Variants in HTR2C observed in about 807,000 individuals in gnomAD.
HTR2C encodes the protein 5-hydroxytryptamine receptor 2C, also known as 5-hydroxytryptamine (serotonin) receptor 2C, G protein-coupled.
Under a neutral mutation model 21.0 loss-of-function variants are expected in HTR2C, and 5 were observed. That is an observed-to-expected ratio of 0.24 (90% CI 0.12 to 0.50). HTR2C has a LOEUF of 0.50. Ranked by LOEUF, HTR2C falls within the 20% of genes least tolerant of loss-of-function variation. The pLI, the probability that HTR2C is intolerant of heterozygous loss-of-function variation, is 0.98. For synonymous variants in HTR2C, 150 were observed against 145.3 expected (o/e 1.03, Z -0.23); for missense variants, 271 against 371.2 (o/e 0.73, Z 2.22).
chrX:114,830,331 G>T (rs1322979460), intron 4 of HTR2C, among the ~76,000 whole-genome samples: 3 of 111,578 alleles, frequency 2.7e-5, no homozygotes, highest in African/African-American at 9.8e-5. Context: ...ACAGTTTGAA[G>T]ATTTCGGGCC....
At chrX:114,709,031 A>G (rs1489123981) in intron 2 of HTR2C, among the ~76,000 whole-genome samples, 1 of 111,830 alleles carries the variant, frequency 8.9e-6, no homozygotes, top group Admixed American at 9.5e-5. Flanking sequence ...ACTTAGGTTG[A>G]TCATAGTAAG....
chrX:114,597,218 CAAAAAAAAAAAA>C (rs782280036), intron 1 of HTR2C, among the ~76,000 whole-genome samples: 6 of 44,179 alleles, frequency 1.4e-4, no homozygotes, highest in African/African-American at 4.6e-4. Flanking sequence ...ATTTCATCTC[CAAAAAAAAAAAA>C]AAAAAAAAAA....
At chrX:114,613,680 CTTCT>C (rs1928837565) in intron 1 of HTR2C, 131 bp from the exon 2 acceptor site, 1 of 111,912 alleles carries the variant, frequency 8.9e-6, no homozygotes, top group South Asian at 3.8e-4. Flanking sequence ...ATAAATGAGA[CTTCT>C]TTCTTCTGAA....
At chrX:114,739,489 G>A (rs1421038037) in intron 4 of HTR2C, among the ~76,000 whole-genome samples, 3 of 111,626 alleles carry the variant, frequency 2.7e-5, no homozygotes, top group Non-Finnish European at 5.6e-5. Context: ...ACCAGTTGGA[G>A]AAACCTCCAT....
intron 4 of HTR2C, among the ~76,000 whole-genome samples, chrX:114,841,763 T>C (rs1053690679): frequency 2.7e-5 from 3 of 110,806 alleles, no homozygotes; most frequent in African/African-American, 9.8e-5. Flanking sequence ...AAATTTTACT[T>C]GAAATGTTCT....
chrX:114,707,546 T>G (rs1306999665), intron 2 of HTR2C, among the ~76,000 whole-genome samples: 2 of 111,905 alleles, frequency 1.8e-5, no homozygotes, highest in Admixed American at 1.9e-4. Flanking sequence ...TTTTCTTGAC[T>G]GATTTGCCAA....
intron 2 of HTR2C, among the ~76,000 whole-genome samples, chrX:114,618,589 C>T (rs1363913379): frequency 1.8e-5 from 2 of 111,470 alleles, no homozygotes; most frequent in Admixed American, 1.9e-4. Context: ...ATTTTTATTT[C>T]GCTATTTGAA....
At position 114,907,391 on chromosome X, in the gene HTR2C, T is replaced by A; in HGVS notation, c.1353T>A (p.Val451=). ...TACCAGTAAATCCCTCCAGTGTGGT[T>A]AGCGAAAGGATTAGCAGTGTGTGAG... The part of the protein sequence containing the change: ...LELPVNPSSV[V]SERISSV The change falls in exon 6 of 6, where the codon GTT becomes GTA. Residue 451 remains valine, a synonymous_variant. Coordinates refer to ENST00000276198, the MANE Select transcript of HTR2C (RefSeq NM_000868.4). 8.3e-7 allele frequency: 1 copy of A among 1,204,566 alleles called. No homozygotes were observed. The highest frequency in any genetic ancestry group is 1.1e-6 in the Non-Finnish European group (1 of 888,952).
chrX:114,760,178 C>T (rs2069851825), intron 4 of HTR2C, among the ~76,000 whole-genome samples: 1 of 111,159 alleles, frequency 9.0e-6, no homozygotes, highest in Non-Finnish European at 1.9e-5. Context: ...ACATACTTGC[C>T]CATCTATGTA....
At chrX:114,894,934 G>T (rs1366652154) in intron 5 of HTR2C, among the ~76,000 whole-genome samples, 2 of 110,907 alleles carry the variant, frequency 1.8e-5, no homozygotes, top group Non-Finnish European at 3.8e-5. Flanking sequence ...GGCCAGGCTG[G>T]ACTCGAACTC....
In HTR2C at chrX:114,906,977, T is replaced by C. The variant is rs1556487149; in HGVS notation, c.939T>C (p.Leu313=). ...INNERKASKV[L]GIVFFVFLIM... The stretch of plus-strand genomic sequence containing the variant: ...ATGAAAGAAAAGCTTCGAAAGTCCT[T>C]GGGATTGTTTTCTTTGTGTTTCTGA... Residue 313 remains leucine, a synonymous_variant, in exon 6 of 6, where the codon CTT becomes CTC. Coordinates refer to ENST00000276198, the MANE Select transcript of HTR2C (RefSeq NM_000868.4). The C allele has an allele frequency of 9.9e-6, 12 of 1,209,291 alleles. No individual in the cohort carries two copies.
intron 2 of HTR2C, among the ~76,000 whole-genome samples, chrX:114,715,643 T>C (rs1415070689): frequency 1.8e-5 from 2 of 111,849 alleles, no homozygotes; most frequent in Admixed American, 1.9e-4. Context: ...TATTTTATAC[T>C]GTGATGGAGA....
chrX:114,663,763 G>A (rs1931077877), intron 2 of HTR2C, among the ~76,000 whole-genome samples: 1 of 111,180 alleles, frequency 9.0e-6, no homozygotes, highest in South Asian at 3.8e-4. Context: ...TACCTTTTAT[G>A]CATTTTTGTC....
intron 2 of HTR2C, among the ~76,000 whole-genome samples, chrX:114,725,161 G>T (rs868946983): frequency 1.1e-4 from 12 of 111,070 alleles, no homozygotes; most frequent in Admixed American, 1.9e-4. Flanking sequence ...ACCAATCAGA[G>T]GTAGATTTGG....
chrX:114,748,598 A>G (rs912544058), intron 4 of HTR2C, among the ~76,000 whole-genome samples: 6 of 112,062 alleles, frequency 5.4e-5, no homozygotes, highest in Non-Finnish European at 9.4e-5. Flanking sequence ...TCCAGAAATC[A>G]ACAAATATAA....
At chrX:114,821,528 T>G (rs782728515) in intron 4 of HTR2C, among the ~76,000 whole-genome samples, 2 of 111,622 alleles carry the variant, frequency 1.8e-5, no homozygotes, top group Admixed American at 9.6e-5. Context: ...AAATAATGTA[T>G]CCCATCAAAT....
At chrX:114,608,676 C>T (rs1185077724) in intron 1 of HTR2C, among the ~76,000 whole-genome samples, 1 of 111,783 alleles carries the variant, frequency 8.9e-6, no homozygotes, top group Non-Finnish European at 1.9e-5. Flanking sequence ...CTTCTGTCAT[C>T]CTTACTTTTG....
At chrX:114,865,539 C>A (rs1431907551) in intron 5 of HTR2C, among the ~76,000 whole-genome samples, 1 of 111,601 alleles carries the variant, frequency 9.0e-6, no homozygotes, top group Non-Finnish European at 1.9e-5. Context: ...CTCCCCAATT[C>A]TTGGTATAGT....
chrX:114,624,707 T>G (rs1569479102), intron 2 of HTR2C, among the ~76,000 whole-genome samples: 1 of 112,085 alleles, frequency 8.9e-6, no homozygotes, highest in African/African-American at 3.2e-5. Context: ...ATCTCTAGCA[T>G]GTTAAGAAAG....
Sources: allele counts gnomAD v4.1 joint callset (sites outside exome capture counted in the v4.1 genomes callset), GRCh38; gene constraint gnomAD v4.1.1; transcripts MANE v1.5; gene names NCBI Gene and HGNC (gene_info 2026-07-23, HGNC 2026-07-21).